Variants in KCNG4 observed in about 807,000 individuals in gnomAD.
KCNG4 encodes the protein potassium voltage-gated channel modifier subfamily G member 4, also known as voltage-gated potassium channel regulatory subunit KCNG4.
Under a neutral mutation model 28.2 loss-of-function variants are expected in KCNG4, and 30 were observed. That is an observed-to-expected ratio of 1.06 (90% CI 0.80 to 1.44). The LOEUF (loss-of-function observed/expected upper bound fraction) is 1.44, where lower values mean the gene tolerates loss of function less well. Among genes scored for constraint, KCNG4 ranks in the 40% most tolerant of loss-of-function variants. The pLI, the probability that KCNG4 is intolerant of heterozygous loss-of-function variation, is 0.00. For missense variants in KCNG4, 879 were observed against 712.3 expected (o/e 1.23, Z -2.66); for synonymous variants, 375 against 315.5 (o/e 1.19, Z -2.00).
rs763800336 is a variant in KCNG4 at position 84,237,092 on chromosome 16, G to A, written c.394C>T (p.Leu132=). 4.3e-6 allele frequency: 7 copies of A among 1,614,108 alleles called. No homozygotes were observed. In the East Asian group the frequency reaches 1.6e-4, roughly 36 times the overall value. ...VIVSFLAAGK[L]VLLQEMCALS... is the part of the protein sequence containing the mutation. ...GCGCACATCTCCTGCAGAAGCACCA[G>A]CTTCCCGGCCGCCAGGAAGCTCACG... The change falls in exon 2 of 3, where the codon CTG becomes TTG. Residue 132 remains leucine, a synonymous_variant. Coordinates refer to ENST00000308251, the MANE Select transcript of KCNG4 (RefSeq NM_172347.3).
chr16:84,236,745 C>T lies in KCNG4; in HGVS notation c.741G>A (p.Arg247=). The T allele has an allele frequency of 6.2e-7, 1 of 1,612,606 alleles. No homozygotes were observed. The highest frequency in any genetic ancestry group is 8.5e-7 in the Non-Finnish European group (1 of 1,179,534). Residue 247 remains arginine, a synonymous_variant, in exon 2 of 3, where the codon AGG becomes AGA. Coordinates refer to ENST00000308251, the MANE Select transcript of KCNG4 (RefSeq NM_172347.3). ...GGCCGCTCACCTGGTCCTCCTCTGC[C>T]CTGAGGTCGGGCATGGTGCTGACAC... ...SLCVSTMPDL[R]AEEDQGECSR...
At chr16:84,235,334 G>T (rs1567627008) in intron 2 of KCNG4, 1 of 152,196 alleles carries the variant, frequency 6.6e-6, no homozygotes, top group Non-Finnish European at 1.5e-5. Flanking sequence ...CTTAAGAAAT[G>T]GGGTAGGGAG....
Position 84,222,415 on chromosome 16 carries a change from G to A in KCNG4, c.1362C>T (p.Phe454=). 6.2e-7 allele frequency: 1 copy of A among 1,614,186 alleles called. No homozygotes were observed. Among genetic ancestry groups the A allele is most frequent in the Non-Finnish European group, 8.5e-7 (1 of 1,180,028 alleles). ...LIMAFPATSI[F]HTFSHSYLEL... ...CCAGGTAGGAGTGGGAGAAGGTGTGGAAGATAGACGTGGCCGGGAAGGCCA... is the reference window on the plus strand; with the variant it reads ...CCAGGTAGGAGTGGGAGAAGGTGTGAAAGATAGACGTGGCCGGGAAGGCCA... Residue 454 remains phenylalanine, a synonymous_variant, in exon 3 of 3, where the codon TTC becomes TTT. Coordinates refer to ENST00000308251, the MANE Select transcript of KCNG4 (RefSeq NM_172347.3).
intron 2 of KCNG4, among the ~76,000 whole-genome samples, chr16:84,230,320 G>T (rs244804): frequency 6.9e-6 from 1 of 145,234 alleles, no homozygotes; most frequent in Non-Finnish European, 1.5e-5. Flanking sequence ...CAGGAGAATC[G>T]CTTGAACTCA....
At chr16:84,230,503 C>G (rs1904804005) in intron 2 of KCNG4, among the ~76,000 whole-genome samples, 2 of 150,324 alleles carry the variant, frequency 1.3e-5, no homozygotes, top group African/African-American at 4.9e-5. Flanking sequence ...ACCCGGGGGG[C>G]AGAGCTTACA....
At chr16:84,238,432 A>C in intron 1 of KCNG4, among the ~76,000 whole-genome samples, 1 of 152,178 alleles carries the variant, frequency 6.6e-6, no homozygotes, top group East Asian at 1.9e-4. Flanking sequence ...CCATTTGGGG[A>C]GGCCTTTGCT....
chr16:84,236,540 T>TA (rs574533854), intron 2 of KCNG4, 190 bp downstream of exon 2: 41,585 of 642,474 alleles, frequency 0.065, 39 homozygotes, highest in South Asian at 0.084. Context: ...AGGACTCCAA[T>TA]AAAAAAAAAA....
intron 2 of KCNG4, among the ~76,000 whole-genome samples, chr16:84,223,700 G>T (rs1483988794): frequency 2.6e-5 from 4 of 152,160 alleles, no homozygotes; most frequent in Non-Finnish European, 5.9e-5. Context: ...ACATACATAG[G>T]AGGCGGTACC....
chr16:84,238,989 C>T (rs1369172319), intron 1 of KCNG4, among the ~76,000 whole-genome samples: 2 of 152,198 alleles, frequency 1.3e-5, no homozygotes, highest in Non-Finnish European at 2.9e-5. Context: ...TTTAAAAAGT[C>T]CTTTTCATAA....
At chr16:84,223,893 G>T (rs146991189) in intron 2 of KCNG4, among the ~76,000 whole-genome samples, 1 of 152,160 alleles carries the variant, frequency 6.6e-6, no homozygotes, top group South Asian at 2.1e-4. Flanking sequence ...GGCAGAGAGG[G>T]TTCCTGAATC....
intron 2 of KCNG4, among the ~76,000 whole-genome samples, chr16:84,229,886 C>T (rs1439452316): frequency 6.6e-6 from 1 of 152,224 alleles, no homozygotes; most frequent in Non-Finnish European, 1.5e-5. Context: ...TTCGCTAGAG[C>T]AATTACCAAA....
chr16:84,233,133 C>T (rs527866018), intron 2 of KCNG4, among the ~76,000 whole-genome samples: 16 of 152,270 alleles, frequency 1.1e-4, no homozygotes, highest in Admixed American at 4.6e-4. Flanking sequence ...CTCCGTGTTT[C>T]GGCCTGTCCC....
At chr16:84,230,208 C>A (rs1439017692) in intron 2 of KCNG4, among the ~76,000 whole-genome samples, 2 of 152,092 alleles carry the variant, frequency 1.3e-5, no homozygotes, top group Non-Finnish European at 2.9e-5. Context: ...AGTTCGAAAC[C>A]AGCCTGGCCA....
In KCNG4 at chr16:84,238,468, T is replaced by A. The variant is rs1905029756; in HGVS notation, c.-40-943A>T. On this transcript the variant is annotated intron_variant, in intron 1 of 2. Coordinates refer to ENST00000308251, the MANE Select transcript of KCNG4 (RefSeq NM_172347.3). Reference sequence around the variant, plus strand: ...AAGGGGACGGAGGAGCATTGCGTACTTGCAATCACAGTACTCCTCCATGTT... The same window carrying A: ...AAGGGGACGGAGGAGCATTGCGTACATGCAATCACAGTACTCCTCCATGTT... Among the ~76,000 whole-genome samples the A allele has an allele frequency of 3.3e-5, 5 of 152,214 alleles. 1 individual carries two copies. Among genetic ancestry groups the A allele is most frequent in the Admixed American group, 1.3e-4 (2 of 15,272 alleles).
rs528619109 is a variant in KCNG4, at chr16:84,234,183, T to C, written c.756+2547A>G. On this transcript the variant is annotated intron_variant, in intron 2 of 2. Transcript: ENST00000308251. ...CTGCCTCTTCCCTTCTCCACTGTAATTTTTTTTGAGATGGAGTTTTGCTCT... is the reference window on the plus strand; with the variant it reads ...CTGCCTCTTCCCTTCTCCACTGTAACTTTTTTTGAGATGGAGTTTTGCTCT... Among the ~76,000 whole-genome samples the C allele has an allele frequency of 3.9e-5, 6 of 152,154 alleles. No homozygotes were observed. The South Asian group carries it at 1.0e-3, about 26-fold the overall frequency.
rs772160103 is a variant in KCNG4 at position 84,222,755 on chromosome 16, G to A, written c.1022C>T (p.Ala341Val). 3.5e-5 allele frequency: 57 copies of A among 1,612,176 alleles called. No homozygotes were observed. Among genetic ancestry groups the A allele is most frequent in the Admixed American group, 8.4e-5 (5 of 59,788 alleles). Residue 341 changes from alanine to valine, a missense_variant, in exon 3 of 3, where the codon GCG becomes GTG. Ala to Val is a moderately conservative substitution (Grantham distance 64). Coordinates refer to ENST00000308251, the MANE Select transcript of KCNG4 (RefSeq NM_172347.3). Reference sequence around the variant, plus strand: ...GCGCATCACGTAGAGGATGCGCAGCGCTCGCAGCACACGCAGGACCAGCCC... The same window carrying A: ...GCGCATCACGTAGAGGATGCGCAGCACTCGCAGCACACGCAGGACCAGCCC... ...KVGLVLRVLR[A>V]LRILYVMRLA... is the part of the protein sequence containing the mutation.
intron 1 of KCNG4, among the ~76,000 whole-genome samples, chr16:84,239,109 A>C (rs1046636830): frequency 6.6e-6 from 1 of 152,188 alleles, no homozygotes; most frequent in Non-Finnish European, 1.5e-5. Context: ...CACTCCAATC[A>C]AGAGAAAAAC....
intron 1 of KCNG4, among the ~76,000 whole-genome samples, chr16:84,238,415 C>T (rs922012906): frequency 2.6e-5 from 4 of 152,202 alleles, no homozygotes; most frequent in Non-Finnish European, 4.4e-5. Context: ...CCCTCTTGGT[C>T]GCTTCCCCAT....
intron 2 of KCNG4, among the ~76,000 whole-genome samples, chr16:84,225,038 C>T (rs1243961817): frequency 1.3e-5 from 2 of 152,144 alleles, no homozygotes; most frequent in Non-Finnish European, 2.9e-5. Flanking sequence ...AAATTATGCA[C>T]ATAAAGCCAT....
Sources: gnomAD v4.1 joint callset for allele counts (sites outside exome capture counted in the v4.1 genomes callset) on GRCh38, gnomAD v4.1.1 for gene constraint, MANE v1.5 for transcripts, NCBI Gene and HGNC (gene_info 2026-07-23, HGNC 2026-07-21) for gene names.